PCDHGA1: variants seen among roughly 807,000 people sequenced by gnomAD.
The protein encoded by PCDHGA1 is protocadherin gamma-A1.
A neutral mutation model predicts 58.0 loss-of-function variants in PCDHGA1; 32 were observed. The ratio of observed to expected loss-of-function variants is 0.55; its 90% CI spans 0.42 to 0.74. The LOEUF is 0.74. PCDHGA1 is among the 30% of genes least tolerant of loss of function. PCDHGA1 has a pLI of 0.00. For synonymous variants in PCDHGA1, 498 were observed against 501.1 expected, an observed-to-expected ratio of 0.99 and a Z score of 0.08; for missense variants, 1,205 against 1,182.3, an observed-to-expected ratio of 1.02 and a Z score of -0.28.
chr5:141,344,977 A>T lies in PCDHGA1; in HGVS notation c.2421+11872A>T, dbSNP rs368613508. The T allele has an allele frequency of 3.1e-6, 5 of 1,613,940 alleles. No homozygotes were observed. The Admixed American group carries it at 6.7e-5, about 22-fold the overall frequency. On this transcript the variant is annotated intron_variant, in intron 1 of 3. Coordinates refer to ENST00000517417, the MANE Select transcript of PCDHGA1 (RefSeq NM_018912.3). ...CTAGATTATGAGGATGCCATGTTCTATGAAATTAAAATTGAAGCACAGGAT... is the reference window on the plus strand; with the variant it reads ...CTAGATTATGAGGATGCCATGTTCTTTGAAATTAAAATTGAAGCACAGGAT...
chr5:141,385,104 G>A, intron 1 of PCDHGA1: 1 of 1,614,192 alleles, frequency 6.2e-7, no homozygotes, highest in Non-Finnish European at 8.5e-7. Flanking sequence ...TGGCGAACGT[G>A]CCCACCTCGC....
Position 141,432,732 on chromosome 5 carries a change from T to G in PCDHGA1, c.2422-62075T>G, listed in dbSNP as rs1300743675. 2.5e-6 allele frequency: 4 copies of G among 1,613,940 alleles called. No individual in the cohort carries two copies. Among genetic ancestry groups the G allele is most frequent in the Non-Finnish European group, 3.4e-6 (4 of 1,179,992 alleles). On this transcript the variant is annotated intron_variant, in intron 1 of 3. Coordinates refer to ENST00000517417, the MANE Select transcript of PCDHGA1 (RefSeq NM_018912.3). This position sits in a 1 kb window ranked among gnomAD's most constrained non-coding sequence, Gnocchi z 6.0. ...GGCCAGCCCCCTCTCTCCGCCACTG[T>G]CACGCTCACCGTGGCCGTGGCCGAC...
rs201021035 is a variant in PCDHGA1 at position 141,398,584 on chromosome 5, A to G, written c.2421+65479A>G. 8.7e-5 allele frequency: 141 copies of G among 1,614,066 alleles called. 1 individual carries two copies. In the African/African-American group the frequency reaches 1.0e-3, roughly 12 times the overall value. ...GTCTGCACAGCCTGGCACAAGATTT[A>G]TACTAGAAGTAGCAGAAGATGCAGA... On this transcript the variant is annotated intron_variant, in intron 1 of 3. Transcript: ENST00000517417.
In PCDHGA1 at chr5:141,372,278, G is replaced by T. The variant is rs756938433; in HGVS notation, c.2421+39173G>T. The T allele has an allele frequency of 5.6e-6, 9 of 1,613,150 alleles. No individual in the cohort carries two copies. The Admixed American group carries it at 1.5e-4, about 27-fold the overall frequency. On this transcript the variant is annotated intron_variant, in intron 1 of 3. Coordinates refer to ENST00000517417, the MANE Select transcript of PCDHGA1 (RefSeq NM_018912.3). ...GCCTGCGCACGGGTGAGGTGCGCAC[G>T]GCGCGTACCTTGGGCGACAGGGAGG...
intron 1 of PCDHGA1, among the ~76,000 whole-genome samples, chr5:141,386,181 G>C (rs908249495): frequency 3.3e-5 from 5 of 152,138 alleles, no homozygotes; most frequent in Non-Finnish European, 5.9e-5. Flanking sequence ...ACCATCTTAT[G>C]TACACAGATC....
chr5:141,357,639 T>C (rs1416163198), intron 1 of PCDHGA1: 1 of 1,612,114 alleles, frequency 6.2e-7, no homozygotes, highest in Non-Finnish European at 8.5e-7. Flanking sequence ...AATCTTATAA[T>C]AGATCATACC....
At chr5:141,479,366 T>A (rs2099494042) in intron 1 of PCDHGA1, 1 of 152,302 alleles carries the variant, frequency 6.6e-6, no homozygotes, top group Non-Finnish European at 1.5e-5. Flanking sequence ...GTGCCTGAGG[T>A]GGGAGGATTG....
At chr5:141,350,155 G>A (rs950480253) in intron 1 of PCDHGA1, 1 of 998,930 alleles carries the variant, frequency 1.0e-6, no homozygotes, top group East Asian at 2.8e-5. Flanking sequence ...TCACCCTCGA[G>A]CGCCTAACTA....
At position 141,432,307 on chromosome 5, in the gene PCDHGA1, G is replaced by A. The variant is rs2097484688; in HGVS notation, c.2422-62500G>A. On this transcript the variant is annotated intron_variant, in intron 1 of 3. Transcript: ENST00000517417. The surrounding 1 kb of genome is among the most constrained non-coding windows in gnomAD (Gnocchi z 6.0). ...ACTCCGACACTGGGGTACTGTATGC[G>A]CTGAGCTCCTTCGACTACGAGCAGT... The A allele has an allele frequency of 5.0e-6, 8 of 1,614,240 alleles. No individual in the cohort carries two copies. Among genetic ancestry groups the A allele is most frequent in the South Asian group, 1.1e-5 (1 of 91,086 alleles).
At chr5:141,483,743 C>G (rs1360515518) in intron 1 of PCDHGA1, among the ~76,000 whole-genome samples, 2 of 152,022 alleles carry the variant, frequency 1.3e-5, no homozygotes, top group Non-Finnish European at 2.9e-5. Context: ...AAAGGATATT[C>G]CTGAGGATCG....
At chr5:141,373,571 C>T (rs1157896176) in intron 1 of PCDHGA1, among the ~76,000 whole-genome samples, 1 of 152,096 alleles carries the variant, frequency 6.6e-6, no homozygotes, top group Non-Finnish European at 1.5e-5. Context: ...ATGGGACTAG[C>T]ATAAATGGTG....
intron 1 of PCDHGA1, among the ~76,000 whole-genome samples, chr5:141,354,747 G>C (rs1295935407): frequency 1.3e-5 from 2 of 152,038 alleles, no homozygotes; most frequent in Non-Finnish European, 2.9e-5. Flanking sequence ...ACTGAAAAGA[G>C]GAAGAACACA....
rs548823035 is a variant in PCDHGA1 at position 141,499,447 on chromosome 5, C to T, written c.2480+4582C>T. ...AGAAAAAAAATTAAAAGGAAAACCA[C>T]CCATCATTTTACAATCTAGGGAGAA... On this transcript the variant is annotated intron_variant, in intron 2 of 3. Transcript: ENST00000517417. Among the ~76,000 whole-genome samples the T allele has an allele frequency of 3.8e-4, 58 of 152,250 alleles. 1 individual carries two copies. In the East Asian group the frequency reaches 9.1e-3, roughly 24 times the overall value.
chr5:141,339,616 T>C (rs1431822106), intron 1 of PCDHGA1: 3 of 1,614,098 alleles, frequency 1.9e-6, no homozygotes, highest in Non-Finnish European at 2.5e-6. Flanking sequence ...TCGTGGCTTC[T>C]GATGGGGGTG....
intron 1 of PCDHGA1, chr5:141,370,715 A>C (rs767773166): frequency 5.0e-6 from 8 of 1,613,816 alleles, no homozygotes; most frequent in East Asian, 2.2e-5. Flanking sequence ...TGGAATTTGA[A>C]ATGGTTGCTG....
intron 1 of PCDHGA1, chr5:141,357,119 A>C: frequency 6.2e-7 from 1 of 1,613,654 alleles, no homozygotes. Context: ...GCGCTCAAGC[A>C]GAGGCTTGTA....
At chr5:141,455,860 ATTATTTATTTATTTATTTATTTAT>A (rs145569377) in intron 1 of PCDHGA1, among the ~76,000 whole-genome samples, 10 of 139,848 alleles carry the variant, frequency 7.2e-5, no homozygotes, top group Admixed American at 5.1e-4. Flanking sequence ...AATTTCTTTT[ATTATTTATTTATTTATTTATTTAT>A]TTATTTATTT....
At chr5:141,384,441 G>A in intron 1 of PCDHGA1, 1 of 1,614,028 alleles carries the variant, frequency 6.2e-7, no homozygotes, top group African/African-American at 1.3e-5. Flanking sequence ...CTGGAGTCCT[G>A]TACGCGCTGC....
At position 141,345,702 on chromosome 5, in the gene PCDHGA1, G is replaced by A. The variant is rs772237828; in HGVS notation, c.2421+12597G>A. On this transcript the variant is annotated intron_variant, in intron 1 of 3. Coordinates refer to ENST00000517417, the MANE Select transcript of PCDHGA1 (RefSeq NM_018912.3). ...GAACCTGTTCGTGCTGGACCAGAAC[G>A]ACAACGCGCCCGAGATCCTGTACCC... 4 of 1,614,088 alleles carry A rather than the reference G, an allele frequency of 2.5e-6. No homozygotes were observed. In the African/African-American group the frequency reaches 4.0e-5, roughly 16 times the overall value.
Sources: allele counts gnomAD v4.1 joint callset (sites outside exome capture counted in the v4.1 genomes callset), GRCh38; gene constraint gnomAD v4.1.1; non-coding constraint Gnocchi (gnomAD v3.1); transcripts MANE v1.5; gene names NCBI Gene and HGNC (gene_info 2026-07-23, HGNC 2026-07-21).